Variants in THSD7A observed in about 807,000 individuals in gnomAD.
The protein encoded by THSD7A is thrombospondin type-1 domain-containing protein 7A.
THSD7A carries 96 observed loss-of-function variants against 231.3 expected under a neutral mutation model. That is an observed-to-expected ratio of 0.41 (90% CI 0.35 to 0.49). The LOEUF is 0.49. Among genes scored for constraint, THSD7A ranks in the 20% least tolerant of loss-of-function variants. THSD7A has a pLI of 0.05. For missense variants in THSD7A, 2,290 were observed against 2,070.2 expected, an observed-to-expected ratio of 1.11 and a Z score of -2.06; for synonymous variants, 940 against 743.3, an observed-to-expected ratio of 1.26 and a Z score of -4.30.
At chr7:11,467,170 G>A (rs750515693) in intron 9 of THSD7A, among the ~76,000 whole-genome samples, 1 of 152,060 alleles carries the variant, frequency 6.6e-6, no homozygotes, top group African/African-American at 2.4e-5. Context: ...GTCATTTAAG[G>A]CTTTCCTGAT....
At chr7:11,506,913 T>C (rs1444065156) in intron 6 of THSD7A, among the ~76,000 whole-genome samples, 1 of 152,212 alleles carries the variant, frequency 6.6e-6, no homozygotes, top group African/African-American at 2.4e-5. Context: ...AATTTTGATA[T>C]GTTGATCATG....
intron 1 of THSD7A, among the ~76,000 whole-genome samples, chr7:11,815,323 A>G (rs969304632): frequency 6.6e-6 from 1 of 151,826 alleles, no homozygotes; most frequent in African/African-American, 2.4e-5. Context: ...AGGGAGTGGT[A>G]TTACTTCTCT....
chr7:11,449,803 C>G (rs149615107), intron 11 of THSD7A, among the ~76,000 whole-genome samples: 157 of 152,004 alleles, frequency 1.0e-3, no homozygotes, highest in African/African-American at 3.6e-3. Context: ...GGTTCATGGA[C>G]AAAGTTGCCC....
In THSD7A at chr7:11,370,462, T is replaced by C. The variant is rs1326169892; in HGVS notation, c.*5332A>G. On this transcript the variant is annotated 3_prime_UTR_variant, in exon 28 of 28. Coordinates refer to ENST00000423059, the MANE Select transcript of THSD7A (RefSeq NM_015204.3). ...AGAATGAAAATGATTTCCGTATTTA[T>C]GTTTGTCAGCAATATAGTTATTTAC... is the stretch of plus-strand genomic sequence containing the variant. 2 of 152,192 alleles carry C rather than the reference T, an allele frequency of 1.3e-5. No individual in the cohort carries two copies. The highest frequency in any genetic ancestry group is 2.9e-5 in the Non-Finnish European group (2 of 68,034). The allele number at this position is 152,192 out of a possible 1,614,324, so 9.4% of individuals were successfully genotyped here.
intron 9 of THSD7A, among the ~76,000 whole-genome samples, chr7:11,468,870 T>C (rs1309878508): frequency 6.6e-6 from 1 of 151,998 alleles, no homozygotes; most frequent in African/African-American, 2.4e-5. Context: ...ATAATAATTT[T>C]CTATCACTTC....
rs1482653670 is a variant in THSD7A at position 11,374,976 on chromosome 7, CTGCACTAATATAG to C, written c.*805_*817del. On this transcript the variant is annotated 3_prime_UTR_variant, in exon 28 of 28. Coordinates refer to ENST00000423059, the MANE Select transcript of THSD7A (RefSeq NM_015204.3). ...CAATACTGGTTAAGCGCCTATCGTG[CTGCACTAATATAG>C]TGCAAAAATGTGCCTTCCATATAGC... 6.6e-6 allele frequency: 1 copy of C among 152,030 alleles called. No homozygotes were observed. The highest frequency in any genetic ancestry group is 2.4e-5 in the African/African-American group (1 of 41,400). 9.4% of individuals were successfully genotyped at this position (152,030 alleles called of 1,614,324 possible).
chr7:11,565,202 G>T (rs559527288), intron 4 of THSD7A, among the ~76,000 whole-genome samples: 24 of 152,292 alleles, frequency 1.6e-4, no homozygotes, highest in Non-Finnish European at 2.9e-4. Context: ...TCTGGAATAT[G>T]TATGTTATCC....
In THSD7A at chr7:11,533,689, A is replaced by G. The variant is rs546208532; in HGVS notation, c.1822+7730T>C. ...CTCACTCATAAGTGGGAGGTGAACA[A>G]TGAGAACACAGGGACATAGGAAACA... is the stretch of plus-strand genomic sequence containing the variant. On this transcript the variant is annotated intron_variant, in intron 6 of 27. Transcript: ENST00000423059. Among the ~76,000 whole-genome samples the G allele has an allele frequency of 1.3e-4, 20 of 152,292 alleles. No homozygotes were observed. In the South Asian group the frequency reaches 3.9e-3, roughly 30 times the overall value.
intron 1 of THSD7A, among the ~76,000 whole-genome samples, chr7:11,810,821 C>G (rs1784510584): frequency 6.6e-6 from 1 of 152,034 alleles, no homozygotes; most frequent in African/African-American, 2.4e-5. Flanking sequence ...GTAAGAGTCT[C>G]CATACATTTT....
At position 11,767,181 on chromosome 7, in the gene THSD7A, GT is replaced by G. The variant is rs1783056956; in HGVS notation, c.190+64575del. ...AACAGGGGTACACTGTACATTCATT[GT>G]TTTTTGGGGTTTCAGAAAATTCAAT... On this transcript the variant is annotated intron_variant, in intron 1 of 27. Transcript: ENST00000423059. Among the ~76,000 whole-genome samples, 4 of 152,088 alleles carry G rather than the reference GT, an allele frequency of 2.6e-5. No individual in the cohort carries two copies. The South Asian group carries it at 8.3e-4, about 32-fold the overall frequency.
In THSD7A at chr7:11,447,278, A is replaced by T; in HGVS notation, c.2752T>A (p.Cys918Ser). The change falls in exon 12 of 28, where the codon TGC (cysteine) becomes AGC (serine). Residue 918 changes from cysteine (C) to serine (S), a missense_variant. Physicochemically the swap from Cys to Ser is moderately radical, Grantham distance 112 (BLOSUM62 -1). Transcript: ENST00000423059. ...CTAACTGCACCACAGTCTCCATTGC[A>T]TGAAGAAAACTTGGACCAGCTGGTC... is the stretch of plus-strand genomic sequence containing the variant. ...QLTSWSKFSS[C>S]NGDCGAVRTR... 6.2e-7 allele frequency: 1 copy of T among 1,613,106 alleles called. No individual in the cohort carries two copies. The highest frequency in any genetic ancestry group is 8.5e-7 in the Non-Finnish European group (1 of 1,179,456).
At chr7:11,666,646 T>C (rs1190133555) in intron 1 of THSD7A, among the ~76,000 whole-genome samples, 1 of 150,528 alleles carries the variant, frequency 6.6e-6, no homozygotes, top group African/African-American at 2.5e-5. Flanking sequence ...TTGTATAATA[T>C]ACAGTATACT....
At chr7:11,769,153 A>ATT (rs1227041855) in intron 1 of THSD7A, among the ~76,000 whole-genome samples, 2,031 of 27,598 alleles carry the variant, frequency 0.074, 352 homozygotes, top group Non-Finnish European at 0.1. Flanking sequence ...ATATATATAT[A>ATT]TTTTTTTTTT....
Position 11,831,890 on chromosome 7 carries a change from G to A in THSD7A, c.57C>T (p.Arg19=). The change falls in exon 1 of 28, where the codon CGC becomes CGT. Residue 19 remains arginine (R), a synonymous_variant. Coordinates refer to ENST00000423059, the MANE Select transcript of THSD7A (RefSeq NM_015204.3). This position sits in a 1 kb window ranked among gnomAD's most constrained non-coding sequence, Gnocchi z 5.0. ...GCGGCAGCAGCTGCAGGACGCCCCGGCGCGGCCCCGCAGCGCCCCGGCTCC... is the reference window on the plus strand; with the variant it reads ...GCGGCAGCAGCTGCAGGACGCCCCGACGCGGCCCCGCAGCGCCCCGGCTCC... ...ASGSRGAAGP[R]RGVLQLLPLP... The A allele has an allele frequency of 1.6e-6, 2 of 1,246,852 alleles. No homozygotes were observed. The highest frequency in any genetic ancestry group is 2.0e-6 in the Non-Finnish European group (2 of 1,000,244). 77.2% of individuals were successfully genotyped at this position (1,246,852 alleles called of 1,614,324 possible).
chr7:11,529,318 A>G (rs1344285113), intron 6 of THSD7A, among the ~76,000 whole-genome samples: 1 of 152,154 alleles, frequency 6.6e-6, no homozygotes, highest in Non-Finnish European at 1.5e-5. Context: ...AAGGCCATGT[A>G]TATGTGCTTT....
chr7:11,400,185 T>G (rs1203414310), intron 23 of THSD7A, among the ~76,000 whole-genome samples: 1 of 138,220 alleles, frequency 7.2e-6, no homozygotes, highest in Non-Finnish European at 1.6e-5. Flanking sequence ...GGGGGAGGGA[T>G]AGCATTAGAA....
At chr7:11,491,723 G>A (rs542142091) in intron 6 of THSD7A, among the ~76,000 whole-genome samples, 12 of 152,072 alleles carry the variant, frequency 7.9e-5, no homozygotes, top group Non-Finnish European at 1.8e-4. Context: ...TACATAAATA[G>A]ATGGTTCCAC....
At chr7:11,398,003 G>C (rs1424566863) in intron 23 of THSD7A, among the ~76,000 whole-genome samples, 1 of 151,544 alleles carries the variant, frequency 6.6e-6, no homozygotes, top group African/African-American at 2.4e-5. Flanking sequence ...GATTCCAATG[G>C]TGATTCATTG....
rs546109483 is a variant in THSD7A, at chr7:11,685,544, T to G, written c.191-48583A>C. Among the ~76,000 whole-genome samples, 494 of 151,900 alleles carry G rather than the reference T, an allele frequency of 3.3e-3. 2 individuals are homozygous for G. Among genetic ancestry groups the G allele is most frequent in the African/African-American group, 0.011 (445 of 41,492 alleles). The stretch of plus-strand genomic sequence containing the variant: ...AATCAAGAGGAAATAAATAACTCTA[T>G]TATAAAGTAGGCAAAAGCCATAAAT... On this transcript the variant is annotated intron_variant, in intron 1 of 27. Coordinates refer to ENST00000423059, the MANE Select transcript of THSD7A (RefSeq NM_015204.3).
Sources: gnomAD v4.1 joint callset for allele counts (sites outside exome capture counted in the v4.1 genomes callset) on GRCh38, gnomAD v4.1.1 for gene constraint, Gnocchi (gnomAD v3.1) non-coding constraint, MANE v1.5 for transcripts, NCBI Gene and HGNC (gene_info 2026-07-23, HGNC 2026-07-21) for gene names.